The following ST3GAL3 variants were observed in gnomAD, a reference collection of about 807,000 sequenced individuals.
ST3GAL3 encodes the protein ST3 beta-galactoside alpha-2,3-sialyltransferase 3.
ST3GAL3 carries 21 observed loss-of-function variants against 50.1 expected under a neutral mutation model. The observed-to-expected ratio is 0.42, with a 90% CI of 0.30 to 0.60. ST3GAL3 has a LOEUF of 0.60. Among genes scored for constraint, ST3GAL3 ranks in the 20% least tolerant of loss-of-function variants. The probability of loss-of-function intolerance (pLI) is 0.19; values close to 1 mark genes in which losing one functional copy is unlikely to be tolerated. For synonymous variants in ST3GAL3, 183 were observed against 190.0 expected (o/e 0.96, Z 0.30); for missense variants, 353 against 489.4 (o/e 0.72, Z 2.63).
chr1:43,896,841 G>A (rs908547983), intron 6 of ST3GAL3: 6 of 152,058 alleles, frequency 3.9e-5, no homozygotes, highest in African/African-American at 1.2e-4. Context: ...CACCACACCC[G>A]GGCTTGTTTA....
chr1:43,875,897 CTCTTCTTCTTCT>C (rs66500354), intron 5 of ST3GAL3, among the ~76,000 whole-genome samples: 3,810 of 133,890 alleles, frequency 0.028, 80 homozygotes, highest in African/African-American at 0.037. Flanking sequence ...TTTAGAATTT[CTCTTCTTCTTCT>C]TCTTCTTCTT....
At chr1:43,817,038 T>C (rs930054357) in intron 4 of ST3GAL3, among the ~76,000 whole-genome samples, 1 of 152,204 alleles carries the variant, frequency 6.6e-6, no homozygotes, top group African/African-American at 2.4e-5. Flanking sequence ...ACCAAGTCCC[T>C]CTCTAGTTGT....
At chr1:43,884,186 T>C (rs2075606201) in intron 5 of ST3GAL3, among the ~76,000 whole-genome samples, 1 of 152,186 alleles carries the variant, frequency 6.6e-6, no homozygotes, top group African/African-American at 2.4e-5. Flanking sequence ...TCTAGTCCCA[T>C]GTAAGATACG....
chr1:43,767,825 A>T (rs903350287), intron 2 of ST3GAL3, among the ~76,000 whole-genome samples: 3 of 15,350 alleles, frequency 2.0e-4, no homozygotes, highest in East Asian at 2.5e-3. Flanking sequence ...AAGTATAATT[A>T]AAAAAAAAAA....
chr1:43,903,871 G>A (rs1402394814), intron 9 of ST3GAL3, among the ~76,000 whole-genome samples: 2 of 152,158 alleles, frequency 1.3e-5, no homozygotes. Context: ...TAGATTTAGT[G>A]TCATTGATAC....
intron 9 of ST3GAL3, among the ~76,000 whole-genome samples, chr1:43,918,227 TC>T (rs1464820781): frequency 6.7e-6 from 1 of 149,280 alleles, no homozygotes; most frequent in Non-Finnish European, 1.5e-5. Flanking sequence ...CCGGCAGTCC[TC>T]CCACCTCAGC....
chr1:43,917,897 T>G (rs1281167298), intron 9 of ST3GAL3, among the ~76,000 whole-genome samples: 1 of 149,980 alleles, frequency 6.7e-6, no homozygotes, highest in African/African-American at 2.5e-5. Context: ...CTTGAACTCC[T>G]GACCTCCAGT....
At position 43,899,768 on chromosome 1, in the gene ST3GAL3, G is replaced by C. The variant is rs200482957; in HGVS notation, c.744+41G>C. 2.5e-6 allele frequency: 4 copies of C among 1,589,180 alleles called. No individual in the cohort carries two copies. In the African/African-American group the frequency reaches 5.4e-5, roughly 21 times the overall value. On this transcript the variant is annotated intron_variant, in intron 9 of 11. Transcript: ENST00000347631. This position sits in a 1 kb window ranked among gnomAD's most constrained non-coding sequence, Gnocchi z 5.4. The stretch of plus-strand genomic sequence containing the variant: ...ACCAGCTTCTTCCCCTCTTGCCCTG[G>C]GCTTCCGCAACTCCTAAGCAATCCC...
chr1:43,906,406 C>A (rs1266920331), intron 9 of ST3GAL3, among the ~76,000 whole-genome samples: 2 of 142,714 alleles, frequency 1.4e-5, no homozygotes, highest in African/African-American at 5.2e-5. Context: ...TTTTCTTCCA[C>A]CTCCTCCTGT....
chr1:43,885,910 A>T (rs2075907083), intron 5 of ST3GAL3, among the ~76,000 whole-genome samples: 2 of 152,234 alleles, frequency 1.3e-5, no homozygotes, highest in Non-Finnish European at 2.9e-5. Flanking sequence ...AGAGCAGAGG[A>T]TGCCAGAGGC....
At chr1:43,746,701 A>G (rs140456874) in intron 2 of ST3GAL3, among the ~76,000 whole-genome samples, 1 of 150,676 alleles carries the variant, frequency 6.6e-6, no homozygotes, top group African/African-American at 2.5e-5. Context: ...TGACCTTGTG[A>G]TTCACCTGCC....
chr1:43,903,190 G>A (rs1283290158), intron 9 of ST3GAL3, among the ~76,000 whole-genome samples: 1 of 152,136 alleles, frequency 6.6e-6, no homozygotes, highest in Non-Finnish European at 1.5e-5. Context: ...GTGTGTCAGA[G>A]TGTGCTGCCT....
intron 2 of ST3GAL3, among the ~76,000 whole-genome samples, chr1:43,769,992 A>C (rs1694462732): frequency 6.6e-6 from 1 of 152,152 alleles, no homozygotes; most frequent in Non-Finnish European, 1.5e-5. Flanking sequence ...TATGGGACTG[A>C]AACTTCAATC....
chr1:43,750,817 C>A (rs779904519), intron 2 of ST3GAL3, among the ~76,000 whole-genome samples: 12 of 151,888 alleles, frequency 7.9e-5, no homozygotes, highest in Non-Finnish European at 1.6e-4. Context: ...CATGTTCATG[C>A]CTGAGCTGTG....
At chr1:43,850,787 A>C (rs908501701) in intron 5 of ST3GAL3, 21 of 878,960 alleles carry the variant, frequency 2.4e-5, no homozygotes, top group Non-Finnish European at 3.7e-5. Flanking sequence ...CAAATTCCAG[A>C]GTCATAGCTT....
At chr1:43,851,570 G>A in intron 5 of ST3GAL3, 2 of 1,500,420 alleles carry the variant, frequency 1.3e-6, no homozygotes, top group Non-Finnish European at 1.9e-6. Context: ...CCCAGCTGGC[G>A]AAATTCTCCG....
intron 5 of ST3GAL3, chr1:43,850,561 G>C: frequency 1.4e-6 from 1 of 718,480 alleles, no homozygotes. Flanking sequence ...CTGGGCCGTA[G>C]AGTGTTTCTA....
intron 2 of ST3GAL3, among the ~76,000 whole-genome samples, chr1:43,755,620 C>G (rs1309903493): frequency 2.6e-5 from 4 of 152,040 alleles, no homozygotes; most frequent in African/African-American, 4.8e-5. Context: ...TTTATATCAT[C>G]AAATGATATG....
At chr1:43,877,256 G>A (rs1277105687) in intron 5 of ST3GAL3, among the ~76,000 whole-genome samples, 1 of 152,202 alleles carries the variant, frequency 6.6e-6, no homozygotes, top group Non-Finnish European at 1.5e-5. Context: ...GGACCTGCAT[G>A]GGAAATTCCA....
Sources: allele counts gnomAD v4.1 joint callset (sites outside exome capture counted in the v4.1 genomes callset), GRCh38; gene constraint gnomAD v4.1.1; non-coding constraint Gnocchi (gnomAD v3.1); transcripts MANE v1.5; gene names NCBI Gene and HGNC (gene_info 2026-07-23, HGNC 2026-07-21).